The following ST6GALNAC6 variants were observed in gnomAD, a reference collection of about 807,000 sequenced individuals.
ST6GALNAC6 encodes the protein alpha-N-acetylgalactosaminide alpha-2,6-sialyltransferase 6.
ST6GALNAC6 carries 19 observed loss-of-function variants against 34.3 expected under a neutral mutation model. That is an observed-to-expected ratio of 0.55 (90% CI 0.39 to 0.81). The LOEUF is 0.81. ST6GALNAC6 is among the 40% of genes least tolerant of loss of function. The pLI, the probability that ST6GALNAC6 is intolerant of heterozygous loss-of-function variation, is 0.00. For synonymous variants in ST6GALNAC6, 185 were observed against 182.1 expected, an observed-to-expected ratio of 1.02 and a Z score of -0.13; for missense variants, 377 against 467.7, an observed-to-expected ratio of 0.81 and a Z score of 1.79.
chr9:127,901,672 C>T (rs375687861), upstream of ST6GALNAC6, among the ~76,000 whole-genome samples: 4 of 151,826 alleles, frequency 2.6e-5, no homozygotes, highest in African/African-American at 9.7e-5. Flanking sequence ...TGGCTCAGCC[C>T]TGTAATCCCA....
chr9:127,888,463 C>T (rs1198996687), intron 5 of ST6GALNAC6, among the ~76,000 whole-genome samples: 1 of 144,716 alleles, frequency 6.9e-6, no homozygotes, highest in African/African-American at 2.6e-5. Flanking sequence ...GAGATCGCAC[C>T]ACTACACTCT....
chr9:127,891,889 C>A (rs1046888245), intron 4 of ST6GALNAC6, among the ~76,000 whole-genome samples: 1 of 150,428 alleles, frequency 6.6e-6, no homozygotes, highest in Non-Finnish European at 1.5e-5. Context: ...CGATGGCTCA[C>A]GCCTGTAATC....
chr9:127,888,636 C>G (rs546017682), intron 5 of ST6GALNAC6, among the ~76,000 whole-genome samples: 8 of 150,322 alleles, frequency 5.3e-5, no homozygotes, highest in Non-Finnish European at 7.4e-5. Context: ...GTGAAACCCC[C>G]TCTCTACTAA....
intron 4 of ST6GALNAC6, 51 bp downstream of exon 4, chr9:127,894,461 G>A (rs1364274046): frequency 1.3e-6 from 2 of 1,597,166 alleles, no homozygotes. Flanking sequence ...CAGGTGGAGG[G>A]AGTGGTGATG....
upstream of ST6GALNAC6, among the ~76,000 whole-genome samples, chr9:127,902,615 C>G (rs911582843): frequency 6.8e-6 from 1 of 147,740 alleles, no homozygotes; most frequent in Non-Finnish European, 1.5e-5. Context: ...TTGAGACAGA[C>G]TTTCACTGTG....
At chr9:127,903,759 A>T (rs564265065), upstream of ST6GALNAC6, 1 of 152,324 alleles carries the variant, frequency 6.6e-6, no homozygotes, top group Non-Finnish European at 1.5e-5. Context: ...GACAGGCAGG[A>T]GGCCTGATGA....
chr9:127,894,791 T>C (rs1830352752), intron 3 of ST6GALNAC6, 100 bp from the exon 4 acceptor site: 2 of 1,391,378 alleles, frequency 1.4e-6, no homozygotes, highest in African/African-American at 1.4e-5. Context: ...TGCTTTTTGT[T>C]GCAGACCAGG....
In ST6GALNAC6 at chr9:127,889,346, CAA is replaced by C. The variant is rs550479416; in HGVS notation, c.704+1289_704+1290del. The stretch of plus-strand genomic sequence containing the variant: ...TGGGCAACAGAGCAAGACTCCCTCT[CAA>C]AAAAAAAAAAAAAAAATCTCCTAGA... On this transcript the variant is annotated intron_variant, in intron 5 of 6. Transcript: ENST00000373146. Among the ~76,000 whole-genome samples, 746 of 123,576 alleles carry C rather than the reference CAA, an allele frequency of 6.0e-3. 6 individuals are homozygous for C. The highest frequency in any genetic ancestry group is 0.011 in the African/African-American group (361 of 33,210). The allele number at this position is 123,576 out of a possible 152,430, so 81.1% of individuals were successfully genotyped here. A position where few individuals can be genotyped will look rare whatever the true frequency, so the allele number is the denominator to read the frequency against.
Position 127,886,579 on chromosome 9 carries a change from G to T in ST6GALNAC6, c.*20C>A. ...GCTGCTTCTCCTCTGACCCTCCTGA[G>T]GTCCCACAGGCTGGGTGGCCTAGGT... On this transcript the variant is annotated 3_prime_UTR_variant, in exon 7 of 7. Transcript: ENST00000373146. The T allele has an allele frequency of 6.2e-7, 1 of 1,613,310 alleles. No homozygotes were observed. Among genetic ancestry groups the T allele is most frequent in the East Asian group, 2.2e-5 (1 of 44,864 alleles).
Position 127,890,142 on chromosome 9 carries a change from T to C in ST6GALNAC6, c.704+495A>G, listed in dbSNP as rs943825734. On this transcript the variant is annotated intron_variant, in intron 5 of 6. Transcript: ENST00000373146. This position sits in a 1 kb window ranked among gnomAD's most constrained non-coding sequence, Gnocchi z 4.3. ...GATTACTATGAAAATAAATGACATA[T>C]GTGGCTCACATAGATTTCTATTGGG... Among the ~76,000 whole-genome samples, 1 of 152,236 alleles carries C rather than the reference T, an allele frequency of 6.6e-6. No individual in the cohort carries two copies. The highest frequency in any genetic ancestry group is 1.5e-5 in the Non-Finnish European group (1 of 68,046).
intron 3 of ST6GALNAC6, among the ~76,000 whole-genome samples, chr9:127,895,067 T>A (rs1830370980): frequency 6.6e-6 from 1 of 152,216 alleles, no homozygotes; most frequent in South Asian, 2.1e-4. Context: ...AGGTGGGACA[T>A]CTGAGTGAGA....
Position 127,892,984 on chromosome 9 carries a change from C to A in ST6GALNAC6, c.297+1528G>T, listed in dbSNP as rs147992477. On this transcript the variant is annotated intron_variant, in intron 4 of 6. Coordinates refer to ENST00000373146, the MANE Select transcript of ST6GALNAC6 (RefSeq NM_013443.5). ...ATTTGAGAACTATCCCACGCCTCCTCATTTGGCTGGCCCTGCGATTGTTAA... is the reference window on the plus strand; with the variant it reads ...ATTTGAGAACTATCCCACGCCTCCTAATTTGGCTGGCCCTGCGATTGTTAA... 7.9e-3 allele frequency among the ~76,000 whole-genome samples: 1,203 copies of A among 152,330 alleles called. 12 individuals carry two copies. Among genetic ancestry groups the A allele is most frequent in the Non-Finnish European group, 0.014 (934 of 68,038 alleles).
upstream of ST6GALNAC6, among the ~76,000 whole-genome samples, chr9:127,901,916 G>A (rs907819858): frequency 1.3e-5 from 2 of 152,048 alleles, no homozygotes; most frequent in African/African-American, 2.4e-5. Context: ...TGGTGACAGT[G>A]CGAGACTCCA....
chr9:127,904,816 C>A (rs1830874160), intron 1 of ST6GALNAC6: 1 of 152,416 alleles, frequency 6.6e-6, no homozygotes, highest in African/African-American at 2.4e-5. Flanking sequence ...CTGCCTCTTC[C>A]CCCACAGAGG....
Position 127,896,325 on chromosome 9 carries a change from G to C in ST6GALNAC6, c.34C>G (p.Pro12Ala). 1 of 1,611,314 alleles carries C rather than the reference G, an allele frequency of 6.2e-7. No homozygotes were observed. The change falls in exon 3 of 7, where the codon CCC becomes GCC. Residue 12 changes from proline (P) to alanine (A), a missense_variant. Pro to Ala is a conservative substitution (Grantham distance 27). Coordinates refer to ENST00000373146, the MANE Select transcript of ST6GALNAC6 (RefSeq NM_013443.5). The part of the protein sequence containing the change: ...ACSRPPSQCE[P>A]TSLPPGPPAG... ...GGTGGCCCTGGGGGCAGGGATGTGG[G>C]TTCACACCTGCAAGCCACCAGAAAG...
chr9:127,899,510 G>T lies in ST6GALNAC6; in HGVS notation c.-37C>A. 1 of 979,986 alleles carries T rather than the reference G, an allele frequency of 1.0e-6. No homozygotes were observed. Among genetic ancestry groups the T allele is most frequent in the Non-Finnish European group, 1.2e-6 (1 of 826,898 alleles). The allele number at this position is 979,986 out of a possible 1,614,324, so 60.7% of individuals were successfully genotyped here. A position where few individuals can be genotyped will look rare whatever the true frequency, so the allele number is the denominator to read the frequency against. On this transcript the variant is annotated 5_prime_UTR_variant, in exon 1 of 7. Coordinates refer to ENST00000373146, the MANE Select transcript of ST6GALNAC6 (RefSeq NM_013443.5). ...CGCGCGGCGCCTGCTCACCTCCGGC[G>T]GGGAGCGCCCGGCCCCCCGCGGCCC... is the stretch of plus-strand genomic sequence containing the variant.
chr9:127,899,860 T>C (rs913052122), upstream of ST6GALNAC6, among the ~76,000 whole-genome samples: 3 of 149,700 alleles, frequency 2.0e-5, no homozygotes, highest in African/African-American at 7.4e-5. Flanking sequence ...TAGCTCTCTT[T>C]ATTGCCACCA....
chr9:127,888,666 C>T (rs180818350), intron 5 of ST6GALNAC6, among the ~76,000 whole-genome samples: 8 of 151,840 alleles, frequency 5.3e-5, no homozygotes, highest in South Asian at 4.2e-4. Context: ...AATTAGCTGG[C>T]GTGGTGGCAC....
chr9:127,893,572 C>T (rs1375940712), intron 4 of ST6GALNAC6, among the ~76,000 whole-genome samples: 1 of 152,236 alleles, frequency 6.6e-6, no homozygotes, highest in Non-Finnish European at 1.5e-5. Context: ...TCCCACGTAC[C>T]TCGACTGGCA....
Sources: allele counts gnomAD v4.1 joint callset (sites outside exome capture counted in the v4.1 genomes callset), GRCh38; gene constraint gnomAD v4.1.1; non-coding constraint Gnocchi (gnomAD v3.1); transcripts MANE v1.5; gene names NCBI Gene and HGNC (gene_info 2026-07-23, HGNC 2026-07-21).